TRMT11: variants seen among roughly 807,000 people sequenced by gnomAD.
TRMT11 encodes the protein tRNA methyltransferase 11, also known as tRNA (guanine(10)-N(2))-methyltransferase TRMT11.
In TRMT11, 53 loss-of-function variants were observed where a neutral mutation model predicts 62.8. That is an observed-to-expected ratio of 0.84 (90% CI 0.68 to 1.06). The LOEUF is 1.06. Among genes scored for constraint, TRMT11 ranks in the 50% least tolerant of loss-of-function variants. The pLI is 0.00. For synonymous variants in TRMT11, 188 were observed against 190.3 expected (o/e 0.99, Z 0.10); for missense variants, 556 against 553.4 (o/e 1.00, Z -0.05).
chr6:126,169,901 G>A (rs1778311304), intron 21 of TRMT11, among the ~76,000 whole-genome samples: 1 of 151,998 alleles, frequency 6.6e-6, no homozygotes, highest in Non-Finnish European at 1.5e-5. Context: ...TACTAAATAA[G>A]ACAAATTTTT....
At chr6:126,259,777 T>C in the TRMT11 span, among the ~76,000 whole-genome samples, 11 of 152,334 alleles carry the variant, frequency 7.2e-5, no homozygotes, top group African/African-American at 2.6e-4. Context: ...ATATTTATAA[T>C]TGTTATATCA....
rs781437561 is a variant in TRMT11 at position 125,999,580 on chromosome 6, A to G, written c.646A>G (p.Asn216Asp). Residue 216 changes from asparagine to aspartate, a missense_variant, in exon 7 of 13, where the codon AAT (asparagine) becomes GAT (aspartate). Physicochemically the swap from Asn to Asp is conservative, Grantham distance 23. Coordinates refer to ENST00000334379, the MANE Select transcript of TRMT11 (RefSeq NM_001031712.3). ...IMANHGKVKE[N>D]DIVFDPFVGT... ...GGCTAACCATGGAAAAGTGAAAGAAAATGATATTGTCTTTGATCCATTTGT... is the reference window on the plus strand; with the variant it reads ...GGCTAACCATGGAAAAGTGAAAGAAGATGATATTGTCTTTGATCCATTTGT... The G allele has an allele frequency of 6.2e-7, 1 of 1,611,928 alleles. No homozygotes were observed. Among genetic ancestry groups the G allele is most frequent in the Admixed American group, 1.7e-5 (1 of 59,886 alleles).
chr6:126,085,264 G>A (rs2128160864), intron 17 of TRMT11, among the ~76,000 whole-genome samples: 1 of 152,166 alleles, frequency 6.6e-6, no homozygotes, highest in South Asian at 2.1e-4. Flanking sequence ...CCCTAAAAAT[G>A]TTCATCTTTT....
intron 1 of TRMT11, among the ~76,000 whole-genome samples, chr6:126,180,733 G>T (rs899859360): frequency 6.6e-6 from 1 of 152,162 alleles, no homozygotes; most frequent in East Asian, 1.9e-4. Context: ...AGGTGCTGAT[G>T]CCTTAGTCAC....
chr6:126,194,482 A>G (rs1205878315), intron 1 of TRMT11, among the ~76,000 whole-genome samples: 1 of 152,138 alleles, frequency 6.6e-6, no homozygotes, highest in Non-Finnish European at 1.5e-5. Flanking sequence ...TTCGCGCCCT[A>G]ATGTTCACTG....
chr6:126,038,840 T>C lies in TRMT11; in HGVS notation c.*4T>C. 1 of 1,589,420 alleles carries C rather than the reference T, an allele frequency of 6.3e-7. No homozygotes were observed. Among genetic ancestry groups the C allele is most frequent in the African/African-American group, 1.4e-5 (1 of 73,190 alleles). On this transcript the variant is annotated 3_prime_UTR_variant, in exon 13 of 13. Transcript: ENST00000334379. ...AGAAAAATCCACCCAGGAATGAAAA[T>C]TAAGATTTTGACAATGAAGAAAGAA...
At chr6:126,233,964 TA>T in the TRMT11 span, among the ~76,000 whole-genome samples, 5 of 152,168 alleles carry the variant, frequency 3.3e-5, no homozygotes, top group Non-Finnish European at 1.5e-5. Flanking sequence ...AAATAGATAT[TA>T]TAATTACTAT....
At chr6:126,135,771 T>TA (rs538403409) in intron 21 of TRMT11, among the ~76,000 whole-genome samples, 10 of 151,618 alleles carry the variant, frequency 6.6e-5, no homozygotes, top group Non-Finnish European at 1.2e-4. Flanking sequence ...AACAACCCGT[T>TA]AAAAAAATCA....
At chr6:126,111,538 C>T (rs1417084141) in intron 17 of TRMT11, among the ~76,000 whole-genome samples, 1 of 152,118 alleles carries the variant, frequency 6.6e-6, no homozygotes, top group Non-Finnish European at 1.5e-5. Flanking sequence ...TTTCCCAGCA[C>T]CAGATCACCT....
chr6:126,154,151 TC>T (rs1421638134), intron 21 of TRMT11, among the ~76,000 whole-genome samples: 66 of 152,248 alleles, frequency 4.3e-4, no homozygotes, highest in African/African-American at 1.5e-3. Flanking sequence ...ATAAATAAGT[TC>T]TTTCCACTAC....
the TRMT11 span, among the ~76,000 whole-genome samples, chr6:126,225,685 ATTTTTTTTTTTTT>A: frequency 3.3e-3 from 313 of 95,284 alleles, 1 homozygote; most frequent in Middle Eastern, 0.033. Context: ...TATGTTTACT[ATTTTTTTTTTTTT>A]TTTTTTTTTT....
intron 17 of TRMT11, among the ~76,000 whole-genome samples, chr6:126,093,631 A>ATATATATATATT (rs1554236842): frequency 3.1e-5 from 3 of 98,014 alleles, no homozygotes; most frequent in East Asian, 3.0e-4. Context: ...ATATATATAT[A>ATATATATATATT]TTTTCCCCCA....
chr6:126,119,480 TAAAA>T (rs56778747), intron 21 of TRMT11, among the ~76,000 whole-genome samples: 54 of 124,382 alleles, frequency 4.3e-4, no homozygotes, highest in African/African-American at 1.1e-3. Context: ...TCTTCTTTGA[TAAAA>T]AAAAAAAAAA....
At chr6:126,221,963 A>C in the TRMT11 span, among the ~76,000 whole-genome samples, 13 of 152,176 alleles carry the variant, frequency 8.5e-5, 1 homozygote, top group Admixed American at 8.5e-4. Context: ...TTAAGTCTTT[A>C]ATTAATCTTG....
rs1045799567 is a variant in TRMT11, at chr6:126,049,889, T to C, written c.*1370-3234T>C. Among the ~76,000 whole-genome samples, 6 of 152,114 alleles carry C rather than the reference T, an allele frequency of 3.9e-5. No homozygotes were observed. In the South Asian group the frequency reaches 1.0e-3, roughly 26 times the overall value. On this transcript the variant is annotated intron_variant and NMD_transcript_variant, in intron 16 of 22. Coordinates refer to the TRMT11 transcript ENST00000648977. ...GAATAGTGTGAGGAAAGTTCAGATG[T>C]GAGAATGTGTGAGTCAAGTTCAGAA...
chr6:126,201,359 A>T (rs1778732895), intron 3 of TRMT11, among the ~76,000 whole-genome samples: 2 of 152,362 alleles, frequency 1.3e-5, no homozygotes, highest in South Asian at 4.1e-4. Context: ...CTTAGATAGA[A>T]CAAAGGTGTG....
At chr6:126,151,842 C>CTTTG (rs751039727) in intron 21 of TRMT11, among the ~76,000 whole-genome samples, 2 of 130,174 alleles carry the variant, frequency 1.5e-5, no homozygotes, top group East Asian at 2.2e-4. Context: ...TTCTTTCTTT[C>CTTTG]TTTCTTTCTT....
chr6:126,151,864 T>TTCTTTCTTTCTTTCCTTCCA (rs1778054360), intron 21 of TRMT11, among the ~76,000 whole-genome samples: 1 of 127,922 alleles, frequency 7.8e-6, no homozygotes, highest in African/African-American at 3.2e-5. Context: ...CTTTCTTTCT[T>TTCTTTCTTTCTTTCCTTCCA]TCCTTCTTTC....
chr6:126,030,354 C>T (rs193191278), intron 12 of TRMT11, among the ~76,000 whole-genome samples: 2 of 152,290 alleles, frequency 1.3e-5, no homozygotes, highest in East Asian at 3.9e-4. Flanking sequence ...CCGTTATATT[C>T]AGCACTGTCA....
Sources: allele counts gnomAD v4.1 joint callset (sites outside exome capture counted in the v4.1 genomes callset), GRCh38; gene constraint gnomAD v4.1.1; transcripts MANE v1.5; gene names NCBI Gene and HGNC (gene_info 2026-07-23, HGNC 2026-07-21).